The following PRR16 variants were observed in gnomAD, a reference collection of about 807,000 sequenced individuals.
PRR16 encodes proline rich 16.
PRR16 carries 6 observed loss-of-function variants against 18.2 expected under a neutral mutation model. That is an observed-to-expected ratio of 0.33 (90% CI 0.18 to 0.65). The LOEUF (loss-of-function observed/expected upper bound fraction) is 0.65. Ranked by LOEUF, PRR16 falls within the 30% of genes least tolerant of loss-of-function variation. The pLI, the probability that PRR16 is intolerant of heterozygous loss-of-function variation, is 0.74. For missense variants in PRR16, 412 were observed against 376.6 expected (o/e 1.09, Z -0.78); for synonymous variants, 151 against 147.8 (o/e 1.02, Z -0.16).
chr5:120,724,894 A>T, the PRR16 span, among the ~76,000 whole-genome samples: 1 of 152,012 alleles, frequency 6.6e-6, no homozygotes, highest in African/African-American at 2.4e-5. Flanking sequence ...TGGTATCTGT[A>T]TTCTGGTGGA....
At chr5:120,703,762 T>TA in the PRR16 span, among the ~76,000 whole-genome samples, 1 of 152,252 alleles carries the variant, frequency 6.6e-6, no homozygotes, top group Non-Finnish European at 1.5e-5. Context: ...TATTGATGGT[T>TA]AAAAAGTGTG....
the PRR16 span, among the ~76,000 whole-genome samples, chr5:120,775,787 C>T: frequency 5.5e-5 from 8 of 144,366 alleles, no homozygotes; most frequent in South Asian, 2.3e-4. Context: ...CCTGCTGCTA[C>T]GCCTGGCTAT....
At chr5:120,507,285 A>G (rs1020056853) in intron 1 of PRR16, among the ~76,000 whole-genome samples, 2 of 152,146 alleles carry the variant, frequency 1.3e-5, no homozygotes, top group Admixed American at 6.6e-5. Flanking sequence ...ATATATACCT[A>G]TGCTGTGAAA....
chr5:120,494,423 G>C (rs1489349545), intron 1 of PRR16, among the ~76,000 whole-genome samples: 1 of 151,764 alleles, frequency 6.6e-6, no homozygotes, highest in Non-Finnish European at 1.5e-5. Context: ...TGATCTTCTT[G>C]CCTTGTCTGT....
the PRR16 span, among the ~76,000 whole-genome samples, chr5:120,720,181 A>T: frequency 1.3e-5 from 2 of 151,970 alleles, no homozygotes; most frequent in Non-Finnish European, 2.9e-5. Context: ...GCTAAATGGG[A>T]CGTCAGTCTC....
chr5:120,612,480 G>T (rs759139969), intron 1 of PRR16, among the ~76,000 whole-genome samples: 11 of 152,072 alleles, frequency 7.2e-5, no homozygotes, highest in Non-Finnish European at 1.0e-4. Context: ...TGAATCATGG[G>T]GGCCAGTCTT....
At chr5:120,592,109 G>T (rs1402357227) in intron 1 of PRR16, among the ~76,000 whole-genome samples, 1 of 151,240 alleles carries the variant, frequency 6.6e-6, no homozygotes, top group Non-Finnish European at 1.5e-5. Context: ...GCATAACCAA[G>T]GCATTATACT....
chr5:120,649,217 T>C (rs1755694789), intron 1 of PRR16, among the ~76,000 whole-genome samples: 1 of 152,166 alleles, frequency 6.6e-6, no homozygotes, highest in African/African-American at 2.4e-5. Flanking sequence ...TAATATTCTT[T>C]TCTCCTATTA....
chr5:120,711,868 G>T, the PRR16 span, among the ~76,000 whole-genome samples: 1 of 152,148 alleles, frequency 6.6e-6, no homozygotes, highest in South Asian at 2.1e-4. Flanking sequence ...ACAGAGAGAG[G>T]CCAGGAATGT....
intron 1 of PRR16, among the ~76,000 whole-genome samples, chr5:120,581,698 C>G (rs1753278142): frequency 6.6e-6 from 1 of 152,082 alleles, no homozygotes; most frequent in Admixed American, 6.5e-5. Flanking sequence ...AGCTGAGTCC[C>G]AGAGATTCTG....
At chr5:120,750,630 G>A in the PRR16 span, among the ~76,000 whole-genome samples, 2 of 151,780 alleles carry the variant, frequency 1.3e-5, no homozygotes, top group African/African-American at 4.8e-5. Context: ...TCTCGCCACT[G>A]CACTCCACCC....
chr5:120,619,495 A>G lies in PRR16; in HGVS notation c.160-66459A>G, dbSNP rs144254054. On this transcript the variant is annotated intron_variant, in intron 1 of 1. Transcript: ENST00000407149. Reference sequence around the variant, plus strand: ...CCATTTAATGTTACTATTGATTTCAATCACAGAGCTAGTTCTGGAGAATTG... The same window carrying G: ...CCATTTAATGTTACTATTGATTTCAGTCACAGAGCTAGTTCTGGAGAATTG... Among the ~76,000 whole-genome samples, 328 of 152,252 alleles carry G rather than the reference A, an allele frequency of 2.2e-3. 2 individuals are homozygous for G. The highest frequency in any genetic ancestry group is 7.4e-3 in the African/African-American group (309 of 41,576).
At chr5:120,508,967 G>A (rs1750734545) in intron 1 of PRR16, among the ~76,000 whole-genome samples, 1 of 151,986 alleles carries the variant, frequency 6.6e-6, no homozygotes, top group Non-Finnish European at 1.5e-5. Flanking sequence ...GGGTGAGGGG[G>A]GGGATAGTAA....
At chr5:120,504,381 A>G (rs1352938710) in intron 1 of PRR16, among the ~76,000 whole-genome samples, 1 of 152,194 alleles carries the variant, frequency 6.6e-6, no homozygotes, top group African/African-American at 2.4e-5. Flanking sequence ...AGGGTCAGGA[A>G]TTATTTTGAA....
intron 1 of PRR16, among the ~76,000 whole-genome samples, chr5:120,506,345 G>T (rs1580661793): frequency 6.6e-6 from 1 of 151,704 alleles, no homozygotes; most frequent in Non-Finnish European, 1.5e-5. Context: ...AAAATATATT[G>T]AAATGTATTT....
chr5:120,704,801 T>C, the PRR16 span, among the ~76,000 whole-genome samples: 3 of 152,232 alleles, frequency 2.0e-5, no homozygotes, highest in Non-Finnish European at 2.9e-5. Context: ...CATCTGTTAT[T>C]ATTTTATCCT....
chr5:120,527,176 C>T (rs1161417392), intron 1 of PRR16, among the ~76,000 whole-genome samples: 1 of 152,088 alleles, frequency 6.6e-6, no homozygotes, highest in Non-Finnish European at 1.5e-5. Context: ...GTCTGAGAGG[C>T]AAAATCACCA....
At chr5:120,750,819 T>C in the PRR16 span, among the ~76,000 whole-genome samples, 1 of 152,166 alleles carries the variant, frequency 6.6e-6, no homozygotes, top group Non-Finnish European at 1.5e-5. Context: ...TTGGGAATAT[T>C]CTAAGTCCAC....
the PRR16 span, among the ~76,000 whole-genome samples, chr5:120,746,236 G>A: frequency 1.3e-5 from 2 of 151,920 alleles, no homozygotes; most frequent in African/African-American, 4.8e-5. Flanking sequence ...CAGGTGACCA[G>A]AACTGTGATT....
Sources: gnomAD v4.1 joint callset for allele counts (sites outside exome capture counted in the v4.1 genomes callset) on GRCh38, gnomAD v4.1.1 for gene constraint, MANE v1.5 for transcripts, NCBI Gene and HGNC (gene_info 2026-07-23, HGNC 2026-07-21) for gene names.